Variants in AGBL4 observed in about 807,000 individuals in gnomAD.
AGBL4 encodes the protein AGBL carboxypeptidase 4.
AGBL4 carries 58 observed loss-of-function variants against 66.4 expected under a neutral mutation model. The ratio of observed to expected loss-of-function variants is 0.87; its 90% CI spans 0.71 to 1.09. The LOEUF is 1.09. AGBL4 is among the 50% of genes least tolerant of loss of function. AGBL4 has a pLI of 0.00. For missense variants in AGBL4, 579 were observed against 631.0 expected (o/e 0.92, Z 0.88); for synonymous variants, 234 against 222.9 (o/e 1.05, Z -0.44).
chr1:49,152,560 C>A (rs1310576669), intron 4 of AGBL4, among the ~76,000 whole-genome samples: 1 of 152,152 alleles, frequency 6.6e-6, no homozygotes, highest in Non-Finnish European at 1.5e-5. Context: ...AGATGACAAC[C>A]CCACCTAGGG....
chr1:48,762,614 T>TG (rs1644323705), intron 6 of AGBL4, among the ~76,000 whole-genome samples: 6 of 75,184 alleles, frequency 8.0e-5, no homozygotes, highest in African/African-American at 2.4e-4. Flanking sequence ...TTTAAGGGTT[T>TG]TGTGTGTGTG....
intron 1 of AGBL4, among the ~76,000 whole-genome samples, chr1:49,875,296 T>A: frequency 1.2e-5 from 1 of 81,470 alleles, no homozygotes. Context: ...CCCAATGCTA[T>A]CCCTCCCCCC....
chr1:48,947,133 ATTCT>A (rs1013225391), intron 5 of AGBL4, among the ~76,000 whole-genome samples: 3 of 152,206 alleles, frequency 2.0e-5, no homozygotes, highest in African/African-American at 7.2e-5. Context: ...GTTAACCCTT[ATTCT>A]TTGAGTCCAG....
At chr1:49,258,490 C>G (rs1237030147) in intron 3 of AGBL4, among the ~76,000 whole-genome samples, 1 of 151,922 alleles carries the variant, frequency 6.6e-6, no homozygotes, top group African/African-American at 2.4e-5. Context: ...AGCCAAGGCT[C>G]GAGAACTACG....
At chr1:49,407,479 A>G (rs1260852266) in intron 3 of AGBL4, among the ~76,000 whole-genome samples, 1 of 152,214 alleles carries the variant, frequency 6.6e-6, no homozygotes, top group African/African-American at 2.4e-5. Flanking sequence ...ACGTGAGCCA[A>G]TTCCTCATAA....
chr1:48,635,626 G>A (rs375324804), intron 8 of AGBL4, among the ~76,000 whole-genome samples: 6 of 152,284 alleles, frequency 3.9e-5, no homozygotes, highest in African/African-American at 9.6e-5. Flanking sequence ...CAAGGCCTAC[G>A]TTTCCCCAGC....
intron 3 of AGBL4, among the ~76,000 whole-genome samples, chr1:49,531,973 C>T (rs1651175377): frequency 6.6e-6 from 1 of 152,100 alleles, no homozygotes; most frequent in Non-Finnish European, 1.5e-5. Flanking sequence ...ATACAATACA[C>T]TCTATTTTGA....
chr1:49,973,448 T>C (rs1157749871), intron 1 of AGBL4, among the ~76,000 whole-genome samples: 4 of 152,068 alleles, frequency 2.6e-5, no homozygotes, highest in East Asian at 3.8e-4. Flanking sequence ...AGTTCAGATA[T>C]AGTAGATCAC....
intron 3 of AGBL4, among the ~76,000 whole-genome samples, chr1:49,474,461 C>T (rs1646808760): frequency 6.6e-6 from 1 of 151,892 alleles, no homozygotes; most frequent in Non-Finnish European, 1.5e-5. Flanking sequence ...GGCTGGAGTG[C>T]AGTGGTGTGA....
chr1:49,089,000 C>T (rs1644955471), intron 4 of AGBL4, among the ~76,000 whole-genome samples: 1 of 151,920 alleles, frequency 6.6e-6, no homozygotes, highest in Non-Finnish European at 1.5e-5. Context: ...TCTTGATTGA[C>T]TTTTGGGTAA....
rs558085985 is a variant in AGBL4 at position 49,551,194 on chromosome 1, C to T, written c.282+146119G>A. On this transcript the variant is annotated intron_variant, in intron 3 of 13. Transcript: ENST00000371839. Reference sequence around the variant, plus strand: ...ATTTTCTTGAATATTTCTCCCTTCACTTCTTGTATCATTTTTTTGAATTTC... The same window carrying T: ...ATTTTCTTGAATATTTCTCCCTTCATTTCTTGTATCATTTTTTTGAATTTC... Among the ~76,000 whole-genome samples the T allele has an allele frequency of 1.9e-3, 290 of 152,282 alleles. 10 individuals carry two copies. The South Asian group carries it at 0.059, about 31-fold the overall frequency.
chr1:49,529,296 GA>G (rs2148811455), intron 3 of AGBL4, among the ~76,000 whole-genome samples: 1 of 152,188 alleles, frequency 6.6e-6, no homozygotes, highest in Non-Finnish European at 1.5e-5. Flanking sequence ...GAAAAAATTT[GA>G]AAAGACTATT....
chr1:48,668,003 T>TTTG (rs35572126), intron 6 of AGBL4, among the ~76,000 whole-genome samples: 71,238 of 150,036 alleles, frequency 0.47, 17,881 homozygotes, highest in Middle Eastern at 0.61. Flanking sequence ...GGGGGAAGCA[T>TTTG]TTGTTGTTGT....
chr1:49,202,329 A>G (rs1423336799), intron 4 of AGBL4, among the ~76,000 whole-genome samples: 1 of 152,172 alleles, frequency 6.6e-6, no homozygotes, highest in Non-Finnish European at 1.5e-5. Flanking sequence ...AACCATCTTG[A>G]AAAAGAGGAG....
intron 3 of AGBL4, among the ~76,000 whole-genome samples, chr1:49,383,620 T>C (rs547511275): frequency 5.3e-5 from 8 of 152,278 alleles, no homozygotes; most frequent in South Asian, 4.1e-4. Context: ...TGGACACTTA[T>C]GTCACACTAT....
intron 3 of AGBL4, among the ~76,000 whole-genome samples, chr1:49,550,030 A>G (rs1652828345): frequency 6.6e-6 from 1 of 152,196 alleles, no homozygotes; most frequent in Admixed American, 6.5e-5. Flanking sequence ...TTACCATTAC[A>G]TAATGTCCCT....
intron 4 of AGBL4, among the ~76,000 whole-genome samples, chr1:49,091,793 T>C (rs1260076957): frequency 2.6e-5 from 4 of 152,090 alleles, no homozygotes; most frequent in Non-Finnish European, 1.5e-5. Flanking sequence ...TGCCCATCAA[T>C]AGTAGAGTGG....
intron 3 of AGBL4, among the ~76,000 whole-genome samples, chr1:49,381,857 A>T (rs12070205): frequency 2.4e-5 from 3 of 125,024 alleles, no homozygotes; most frequent in Admixed American, 8.4e-5. Context: ...GGGGTGGGGG[A>T]AGGGGGGAGG....
intron 4 of AGBL4, among the ~76,000 whole-genome samples, chr1:49,206,670 G>C (rs1407654166): frequency 6.6e-6 from 1 of 151,996 alleles, no homozygotes; most frequent in Non-Finnish European, 1.5e-5. Flanking sequence ...ATCTGCATTT[G>C]GGCCATACAC....
Sources: gnomAD v4.1 joint callset for allele counts (sites outside exome capture counted in the v4.1 genomes callset) on GRCh38, gnomAD v4.1.1 for gene constraint, MANE v1.5 for transcripts, NCBI Gene and HGNC (gene_info 2026-07-23, HGNC 2026-07-21) for gene names.